Variants in ATAD2B observed in about 807,000 individuals in gnomAD.
ATAD2B encodes ATPase family AAA domain containing 2B.
ATAD2B carries 40 observed loss-of-function variants against 167.6 expected under a neutral mutation model. The ratio of observed to expected loss-of-function variants is 0.24; its 90% CI spans 0.19 to 0.31. ATAD2B has a LOEUF of 0.31. Ranked by LOEUF, ATAD2B falls within the 10% of genes least tolerant of loss-of-function variation. ATAD2B has a pLI of 1.00. For missense variants in ATAD2B, 1,242 were observed against 1,757.2 expected, an observed-to-expected ratio of 0.71 and a Z score of 5.24; for synonymous variants, 579 against 596.5, an observed-to-expected ratio of 0.97 and a Z score of 0.43.
chr2:23,679,027 A>G, the ATAD2B span, among the ~76,000 whole-genome samples: 1 of 147,516 alleles, frequency 6.8e-6, no homozygotes, highest in Non-Finnish European at 1.5e-5. Flanking sequence ...TGGACACTTT[A>G]AAATGGGTAC....
At chr2:23,812,883 CAT>C in intron 17 of ATAD2B, among the ~76,000 whole-genome samples, 2 of 150,372 alleles carry the variant, frequency 1.3e-5, no homozygotes. Flanking sequence ...AATTTTAATG[CAT>C]TCAAACATGT....
At chr2:23,847,851 G>A (rs1691920655) in intron 13 of ATAD2B, among the ~76,000 whole-genome samples, 1 of 151,268 alleles carries the variant, frequency 6.6e-6, no homozygotes, top group South Asian at 2.1e-4. Context: ...AAATTAGCCA[G>A]GCGTGGTGGC....
At chr2:23,842,050 G>A (rs1231453637) in intron 13 of ATAD2B, among the ~76,000 whole-genome samples, 1 of 151,840 alleles carries the variant, frequency 6.6e-6, no homozygotes, top group Non-Finnish European at 1.5e-5. Flanking sequence ...ATTATATTTT[G>A]TTTTTGCCAA....
intron 1 of ATAD2B, among the ~76,000 whole-genome samples, chr2:23,907,205 A>T (rs1024187318): frequency 5.9e-5 from 9 of 152,166 alleles, no homozygotes; most frequent in African/African-American, 1.7e-4. Context: ...ACATGATTGT[A>T]TATCTAGAAA....
intron 13 of ATAD2B, among the ~76,000 whole-genome samples, chr2:23,850,086 TG>T (rs1692322089): frequency 7.1e-6 from 1 of 139,964 alleles, no homozygotes; most frequent in Non-Finnish European, 1.5e-5. Flanking sequence ...GAGCTTGCAG[TG>T]AGCTGAGATC....
the ATAD2B span, chr2:23,703,951 A>G: frequency 1.4e-6 from 2 of 1,393,564 alleles, no homozygotes; most frequent in Admixed American, 4.6e-5. Flanking sequence ...GCCATCAGTG[A>G]CCATAGCAAT....
At chr2:23,837,879 A>C (rs892795343) in intron 13 of ATAD2B, among the ~76,000 whole-genome samples, 4 of 152,226 alleles carry the variant, frequency 2.6e-5, no homozygotes, top group African/African-American at 9.6e-5. Context: ...ATTTTAGAGT[A>C]GTTTTTAAAA....
intron 17 of ATAD2B, among the ~76,000 whole-genome samples, chr2:23,816,766 A>T (rs1268834999): frequency 6.6e-6 from 1 of 152,188 alleles, no homozygotes; most frequent in Non-Finnish European, 1.5e-5. Context: ...AACCTCAGAA[A>T]ATTCTGTTTC....
At chr2:23,754,009 C>T (rs1228777910) in intron 27 of ATAD2B, among the ~76,000 whole-genome samples, 170 bp downstream of exon 27, 2 of 152,140 alleles carry the variant, frequency 1.3e-5, no homozygotes, top group Non-Finnish European at 2.9e-5. Context: ...TACAGAAAGG[C>T]TTTATTCTTC....
the ATAD2B span, among the ~76,000 whole-genome samples, chr2:23,717,718 C>G: frequency 1.3e-5 from 2 of 152,012 alleles, no homozygotes; most frequent in East Asian, 3.9e-4. Flanking sequence ...GAAGGCTACC[C>G]CATAGGCAAT....
chr2:23,867,795 A>G, intron 10 of ATAD2B, 40 bp downstream of exon 10: 1 of 1,472,238 alleles, frequency 6.8e-7, no homozygotes, highest in Non-Finnish European at 9.4e-7. Context: ...AAAACTTTTA[A>G]AAAAAAGAAA....
At chr2:23,841,055 G>A (rs1282668970) in intron 13 of ATAD2B, among the ~76,000 whole-genome samples, 1 of 151,178 alleles carries the variant, frequency 6.6e-6, no homozygotes, top group African/African-American at 2.4e-5. Context: ...TACTGATAGT[G>A]ATAGGACAGT....
At chr2:23,710,100 CATT>C in the ATAD2B span, among the ~76,000 whole-genome samples, 1 of 152,068 alleles carries the variant, frequency 6.6e-6, no homozygotes, top group Non-Finnish European at 1.5e-5. Flanking sequence ...AAATGGTTCA[CATT>C]ATGCATGTGT....
intron 18 of ATAD2B, among the ~76,000 whole-genome samples, chr2:23,803,899 T>C (rs1683914192): frequency 6.6e-6 from 1 of 152,210 alleles, no homozygotes; most frequent in Non-Finnish European, 1.5e-5. Flanking sequence ...TAATTTATAT[T>C]AAGCATTTTA....
chr2:23,814,676 C>T (rs1410488745), intron 17 of ATAD2B, among the ~76,000 whole-genome samples: 1 of 151,840 alleles, frequency 6.6e-6, no homozygotes, highest in Non-Finnish European at 1.5e-5. Flanking sequence ...GTGGAGGGTA[C>T]AGTAAAGGTA....
chr2:23,896,989 G>A (rs1700239601), intron 1 of ATAD2B, among the ~76,000 whole-genome samples: 1 of 152,120 alleles, frequency 6.6e-6, no homozygotes, highest in South Asian at 2.1e-4. Flanking sequence ...AAAAAGCCAG[G>A]TGTGGTGGTA....
intron 1 of ATAD2B, among the ~76,000 whole-genome samples, chr2:23,901,316 A>C (rs1329479552): frequency 6.6e-6 from 1 of 151,958 alleles, no homozygotes. Flanking sequence ...TACTCCTTCC[A>C]ATCAAATTTG....
chr2:23,921,424 A>G (rs189505795), intron 1 of ATAD2B, among the ~76,000 whole-genome samples: 2 of 152,282 alleles, frequency 1.3e-5, no homozygotes, highest in African/African-American at 2.4e-5. Context: ...CTCAGTTCTC[A>G]TAACAGTAGT....
the ATAD2B span, among the ~76,000 whole-genome samples, chr2:23,694,763 G>T: frequency 2.0e-5 from 3 of 152,140 alleles, no homozygotes; most frequent in Admixed American, 6.5e-5. Flanking sequence ...CCTTGTGCCT[G>T]GCAGAAGTCT....
Sources: allele counts gnomAD v4.1 joint callset (sites outside exome capture counted in the v4.1 genomes callset), GRCh38; gene constraint gnomAD v4.1.1; transcripts MANE v1.5; gene names NCBI Gene and HGNC (gene_info 2026-07-23, HGNC 2026-07-21).